ARL6IP5: variants seen among roughly 807,000 people sequenced by gnomAD.
The protein encoded by ARL6IP5 is PRA1 family protein 3.
In ARL6IP5, 6 loss-of-function variants were observed where a neutral mutation model predicts 13.0. The ratio of observed to expected loss-of-function variants is 0.46; its 90% CI spans 0.25 to 0.91. ARL6IP5 has a LOEUF of 0.91. Among genes scored for constraint, ARL6IP5 ranks in the 40% least tolerant of loss-of-function variants. ARL6IP5 has a pLI of 0.17. For synonymous variants in ARL6IP5, 91 were observed against 91.9 expected (o/e 0.99, Z 0.06); for missense variants, 208 against 248.8 (o/e 0.84, Z 1.10).
At chr3:69,091,836 A>G (rs1170373034) in intron 1 of ARL6IP5, among the ~76,000 whole-genome samples, 4 of 152,098 alleles carry the variant, frequency 2.6e-5, no homozygotes, top group Non-Finnish European at 5.9e-5. Flanking sequence ...GCTTAGGGAC[A>G]GAGAGCTCTG....
Position 69,104,648 on chromosome 3 carries a change from C to G in ARL6IP5, c.*12C>G. On this transcript the variant is annotated 3_prime_UTR_variant, in exon 3 of 3. Coordinates refer to ENST00000273258, the MANE Select transcript of ARL6IP5 (RefSeq NM_006407.4). ...AAGTGAAGGAATAAACATAACTTAC[C>G]TGAGCTAGGGTTGCAGCAGAAATTG... 1 of 1,611,150 alleles carries G rather than the reference C, an allele frequency of 6.2e-7. No individual in the cohort carries two copies. Among genetic ancestry groups the G allele is most frequent in the South Asian group, 1.1e-5 (1 of 90,760 alleles).
At chr3:69,097,531 G>T (rs547133202) in intron 1 of ARL6IP5, among the ~76,000 whole-genome samples, 4 of 152,030 alleles carry the variant, frequency 2.6e-5, no homozygotes, top group Non-Finnish European at 5.9e-5. Context: ...GAGTTTCAAG[G>T]CCTCTTCATT....
intron 1 of ARL6IP5, among the ~76,000 whole-genome samples, chr3:69,097,726 G>T (rs1175550737): frequency 1.3e-5 from 2 of 152,164 alleles, no homozygotes; most frequent in African/African-American, 4.8e-5. Context: ...AGTAGACCCA[G>T]GTAACACAGA....
At chr3:69,089,291 C>T (rs2092257568) in intron 1 of ARL6IP5, among the ~76,000 whole-genome samples, 1 of 152,110 alleles carries the variant, frequency 6.6e-6, no homozygotes, top group Non-Finnish European at 1.5e-5. Context: ...TGTGATTATA[C>T]ACCCCTAGGA....
chr3:69,096,597 CTTTTTTTTTTTTTT>C lies in ARL6IP5; in HGVS notation c.177-5231_177-5218del, dbSNP rs11291168. Among the ~76,000 whole-genome samples, 300 of 69,618 alleles carry C rather than the reference CTTTTTTTTTTTTTT, an allele frequency of 4.3e-3. 1 individual carries two copies. The highest frequency in any genetic ancestry group is 0.021 in the East Asian group (46 of 2,170). The allele number at this position is 69,618 out of a possible 152,430, so 45.7% of individuals were successfully genotyped here. A position where few individuals can be genotyped will look rare whatever the true frequency, so the allele number is the denominator to read the frequency against. ...TTGATTTGATCTTTGTTTTGCTTTGCTTTTTTTTTTTTTTTTTTTTTTTTGAGACGGAATCTCGC... is the reference window on the plus strand; with the variant it reads ...TTGATTTGATCTTTGTTTTGCTTTGCTTTTTTTTTTGAGACGGAATCTCGC... On this transcript the variant is annotated intron_variant, in intron 1 of 2. Transcript: ENST00000273258.
In ARL6IP5 at chr3:69,104,729, G is replaced by C; in HGVS notation, c.*93G>C. ...TTCTGCTTGCGTTTTTGAAACAGGAGGTGCACGTACCACCCAATTATCTAT... is the reference window on the plus strand; with the variant it reads ...TTCTGCTTGCGTTTTTGAAACAGGACGTGCACGTACCACCCAATTATCTAT... On this transcript the variant is annotated 3_prime_UTR_variant, in exon 3 of 3. Coordinates refer to ENST00000273258, the MANE Select transcript of ARL6IP5 (RefSeq NM_006407.4). 7.2e-7 allele frequency: 1 copy of C among 1,384,356 alleles called. No homozygotes were observed. The highest frequency in any genetic ancestry group is 1.0e-6 in the Non-Finnish European group (1 of 992,548). 85.8% of individuals were successfully genotyped at this position (1,384,356 alleles called of 1,614,324 possible).
intron 1 of ARL6IP5, among the ~76,000 whole-genome samples, chr3:69,099,121 C>T (rs1458576119): frequency 6.8e-5 from 2 of 29,340 alleles, no homozygotes; most frequent in Non-Finnish European, 1.4e-4. Flanking sequence ...CTTTGGGAGG[C>T]TGAGGGGCGG....
At position 69,104,736 on chromosome 3, in the gene ARL6IP5, G is replaced by A. The variant is rs1223883092; in HGVS notation, c.*100G>A. The A allele has an allele frequency of 3.3e-5, 43 of 1,297,964 alleles. No homozygotes were observed. In the South Asian group the frequency reaches 4.2e-4, roughly 13 times the overall value. 80.4% of individuals were successfully genotyped at this position (1,297,964 alleles called of 1,614,324 possible). ...TGCGTTTTTGAAACAGGAGGTGCAC[G>A]TACCACCCAATTATCTATGGCAGCA... On this transcript the variant is annotated 3_prime_UTR_variant, in exon 3 of 3. Coordinates refer to ENST00000273258, the MANE Select transcript of ARL6IP5 (RefSeq NM_006407.4).
chr3:69,095,587 C>T (rs2092284375), intron 1 of ARL6IP5, among the ~76,000 whole-genome samples: 1 of 151,830 alleles, frequency 6.6e-6, no homozygotes, highest in Non-Finnish European at 1.5e-5. Flanking sequence ...CTCCACCTCC[C>T]AGGTTCAAGT....
intron 1 of ARL6IP5, chr3:69,089,845 A>T: frequency 2.2e-6 from 1 of 456,630 alleles, no homozygotes; most frequent in Non-Finnish European, 4.4e-6. Flanking sequence ...GAATGAGCCC[A>T]TGATTTCTCA....
At position 69,104,643 on chromosome 3, in the gene ARL6IP5, C is replaced by A. The variant is rs2092316788; in HGVS notation, c.*7C>A. On this transcript the variant is annotated 3_prime_UTR_variant, in exon 3 of 3. Coordinates refer to ENST00000273258, the MANE Select transcript of ARL6IP5 (RefSeq NM_006407.4). ...CAGCAAAGTGAAGGAATAAACATAACTTACCTGAGCTAGGGTTGCAGCAGA... is the reference window on the plus strand; with the variant it reads ...CAGCAAAGTGAAGGAATAAACATAAATTACCTGAGCTAGGGTTGCAGCAGA... The A allele has an allele frequency of 1.2e-6, 2 of 1,611,770 alleles. No homozygotes were observed. Among genetic ancestry groups the A allele is most frequent in the Non-Finnish European group, 1.7e-6 (2 of 1,178,682 alleles).
intron 1 of ARL6IP5, among the ~76,000 whole-genome samples, chr3:69,091,879 C>T (rs533086284): frequency 5.9e-5 from 9 of 152,222 alleles, no homozygotes; most frequent in African/African-American, 2.2e-4. Context: ...GGTCAAGACC[C>T]ATTCTTGACC....
chr3:69,101,889 T>C lies in ARL6IP5; in HGVS notation c.227T>C (p.Val76Ala). 6.2e-7 allele frequency: 1 copy of C among 1,614,038 alleles called. No individual in the cohort carries two copies. The highest frequency in any genetic ancestry group is 8.5e-7 in the Non-Finnish European group (1 of 1,179,976). Residue 76 changes from valine (V) to alanine (A), a missense_variant, in exon 2 of 3, where the codon GTG becomes GCG. Val to Ala is a moderately conservative substitution (Grantham distance 64). Transcript: ENST00000273258. Reference sequence around the variant, plus strand: ...CTGGGAGGAATCGTGGTGGTGCTGGTGTTCACAGGGTTTGTGTGGGCAGCC... The same window carrying C: ...CTGGGAGGAATCGTGGTGGTGCTGGCGTTCACAGGGTTTGTGTGGGCAGCC... ...MILGGIVVVL[V>A]FTGFVWAAHN... is the part of the protein sequence containing the mutation.
chr3:69,102,239 T>A, intron 2 of ARL6IP5, 183 bp downstream of exon 2: 1 of 638,404 alleles, frequency 1.6e-6, no homozygotes, highest in Non-Finnish European at 2.7e-6. Context: ...GGTCAAGAAC[T>A]ATGAGGTCAA....
At chr3:69,095,472 G>A (rs777440941) in intron 1 of ARL6IP5, among the ~76,000 whole-genome samples, 1 of 150,702 alleles carries the variant, frequency 6.6e-6, no homozygotes, top group South Asian at 2.1e-4. Context: ...AGGTCCTGCT[G>A]TTTCTCCCTT....
At position 69,101,896 on chromosome 3, in the gene ARL6IP5, A is replaced by G; in HGVS notation, c.234A>G (p.Thr78=). 1 of 1,613,952 alleles carries G rather than the reference A, an allele frequency of 6.2e-7. No homozygotes were observed. The highest frequency in any genetic ancestry group is 8.5e-7 in the Non-Finnish European group (1 of 1,179,982). The change falls in exon 2 of 3, where the codon ACA becomes ACG. Residue 78 remains threonine (T), a synonymous_variant. Coordinates refer to ENST00000273258, the MANE Select transcript of ARL6IP5 (RefSeq NM_006407.4). ...GAATCGTGGTGGTGCTGGTGTTCACAGGGTTTGTGTGGGCAGCCCACAATA... is the reference window on the plus strand; with the variant it reads ...GAATCGTGGTGGTGCTGGTGTTCACGGGGTTTGTGTGGGCAGCCCACAATA... ...LGGIVVVLVF[T]GFVWAAHNKD...
intron 1 of ARL6IP5, among the ~76,000 whole-genome samples, chr3:69,096,291 A>C (rs1372249427): frequency 1.3e-5 from 2 of 152,162 alleles, no homozygotes; most frequent in East Asian, 3.9e-4. Context: ...GGTGAAACAA[A>C]TTTGGAATTG....
intron 1 of ARL6IP5, among the ~76,000 whole-genome samples, chr3:69,086,792 G>C (rs557200148): frequency 1.4e-5 from 2 of 140,180 alleles, no homozygotes; most frequent in African/African-American, 2.7e-5. Flanking sequence ...GCGTGATCTC[G>C]TCTCACTACA....
chr3:69,093,769 A>AG (rs2092277695), intron 1 of ARL6IP5, among the ~76,000 whole-genome samples: 1 of 108,158 alleles, frequency 9.2e-6, no homozygotes, highest in Non-Finnish European at 2.1e-5. Flanking sequence ...TCAAAAAAAA[A>AG]AAAAAAAGAA....
Sources: allele counts gnomAD v4.1 joint callset (sites outside exome capture counted in the v4.1 genomes callset), GRCh38; gene constraint gnomAD v4.1.1; transcripts MANE v1.5; gene names NCBI Gene and HGNC (gene_info 2026-07-23, HGNC 2026-07-21).